Variants in HDAC9 observed in about 807,000 individuals in gnomAD.
HDAC9 encodes MEF-2 interacting transcription repressor (MITR) protein.
A neutral mutation model predicts 139.4 loss-of-function variants in HDAC9; 41 were observed. The ratio of observed to expected loss-of-function variants is 0.29; its 90% CI spans 0.23 to 0.38. The LOEUF is 0.38. Among genes scored for constraint, HDAC9 ranks in the 10% least tolerant of loss-of-function variants. HDAC9 has a pLI of 1.00. For missense variants in HDAC9, 1,147 were observed against 1,297.0 expected (o/e 0.88, Z 1.78); for synonymous variants, 517 against 476.2 (o/e 1.09, Z -1.12).
At chr7:18,160,373 C>T (rs1011115830) in intron 1 of HDAC9, among the ~76,000 whole-genome samples, 5 of 152,160 alleles carry the variant, frequency 3.3e-5, no homozygotes, top group African/African-American at 1.2e-4. Flanking sequence ...AATCTTGAAG[C>T]TCACACTTGT....
chr7:18,622,860 G>C (rs1840604824), intron 6 of HDAC9, among the ~76,000 whole-genome samples: 1 of 151,738 alleles, frequency 6.6e-6, no homozygotes, highest in Non-Finnish European at 1.5e-5. Flanking sequence ...AGAGTGAACA[G>C]AGGCCGGGTA....
intron 1 of HDAC9, among the ~76,000 whole-genome samples, chr7:18,140,291 A>T (rs1295450374): frequency 6.6e-6 from 1 of 152,146 alleles, no homozygotes; most frequent in Non-Finnish European, 1.5e-5. Context: ...TATGGCCTCC[A>T]TCCCATGGGA....
upstream of HDAC9, among the ~76,000 whole-genome samples, chr7:18,495,394 C>T (rs1796721754): frequency 6.6e-6 from 1 of 152,100 alleles, no homozygotes; most frequent in African/African-American, 2.4e-5. Flanking sequence ...CATTTGCCCT[C>T]TTAGAATTAT....
chr7:18,557,379 G>A (rs532650877), intron 2 of HDAC9, among the ~76,000 whole-genome samples: 2 of 148,330 alleles, frequency 1.3e-5, no homozygotes, highest in South Asian at 2.1e-4. Flanking sequence ...AATCCTCCTG[G>A]TATACTTTAA....
chr7:18,367,146 G>C (rs985307427), intron 1 of HDAC9, among the ~76,000 whole-genome samples: 58 of 152,026 alleles, frequency 3.8e-4, no homozygotes, highest in African/African-American at 1.4e-3. Context: ...GCACAGATAA[G>C]TAAATAGAAG....
intron 6 of HDAC9, among the ~76,000 whole-genome samples, chr7:18,620,010 A>C (rs1839784433): frequency 6.6e-6 from 1 of 152,126 alleles, no homozygotes; most frequent in African/African-American, 2.4e-5. Context: ...CATTCTTGAG[A>C]CCATGAGCAC....
chr7:18,712,765 A>T (rs1369986686), intron 12 of HDAC9, among the ~76,000 whole-genome samples: 1 of 152,242 alleles, frequency 6.6e-6, no homozygotes, highest in Non-Finnish European at 1.5e-5. Context: ...ATAATTTTGA[A>T]TAGCAATGTT....
chr7:18,202,656 G>C (rs1252716551), intron 2 of HDAC9, among the ~76,000 whole-genome samples: 1 of 152,166 alleles, frequency 6.6e-6, no homozygotes, highest in Non-Finnish European at 1.5e-5. Context: ...TAGCATACTT[G>C]GAGTTGAAAT....
At chr7:18,184,988 C>A (rs1005525327) in intron 2 of HDAC9, among the ~76,000 whole-genome samples, 1 of 152,138 alleles carries the variant, frequency 6.6e-6, no homozygotes, top group Admixed American at 6.6e-5. Flanking sequence ...AAAATGTGGT[C>A]TGCCTATGTA....
chr7:18,707,070 G>T (rs1783983936), intron 12 of HDAC9, among the ~76,000 whole-genome samples: 1 of 152,060 alleles, frequency 6.6e-6, no homozygotes, highest in Non-Finnish European at 1.5e-5. Context: ...AGCTAGGGGT[G>T]GAGCCCCAGA....
At chr7:18,676,847 C>A (rs1469266542) in intron 12 of HDAC9, among the ~76,000 whole-genome samples, 1 of 151,688 alleles carries the variant, frequency 6.6e-6, no homozygotes, top group African/African-American at 2.4e-5. Flanking sequence ...TTAAAAGGGA[C>A]TCTCTTAGGG....
In HDAC9 at chr7:18,430,720, A is replaced by G. The variant is rs533736382; in HGVS notation, c.-41-65542A>G. On this transcript the variant is annotated intron_variant, in intron 1 of 3. Coordinates refer to the HDAC9 transcript ENST00000413509. ...AACATGGCTAAACCCTGTCTTTACTAAAATACAAAAAAAAAAAATAGTCAG... is the reference window on the plus strand; with the variant it reads ...AACATGGCTAAACCCTGTCTTTACTGAAATACAAAAAAAAAAAATAGTCAG... 6.2e-4 allele frequency: 7 copies of G among 11,350 alleles called. No individual in the cohort carries two copies. The East Asian group carries it at 0.045, about 73-fold the overall frequency. The allele number at this position is 11,350 out of a possible 1,614,324, so 0.7% of individuals were successfully genotyped here.
intron 2 of HDAC9, among the ~76,000 whole-genome samples, chr7:18,565,067 G>T (rs1474043526): frequency 6.6e-6 from 1 of 151,670 alleles, no homozygotes; most frequent in Non-Finnish European, 1.5e-5. Flanking sequence ...GCACAATTTG[G>T]CTCACCGCAA....
rs141321599 is a variant in HDAC9 at position 18,776,953 on chromosome 7, G to A, written c.2214+9798G>A. 2.6e-5 allele frequency among the ~76,000 whole-genome samples: 4 copies of A among 152,088 alleles called. No individual in the cohort carries two copies. The East Asian group carries it at 5.8e-4, about 22-fold the overall frequency. On this transcript the variant is annotated intron_variant, in intron 16 of 25. Transcript: ENST00000686413. Reference sequence around the variant, plus strand: ...GGTTGTTCTATTCAGAACACACAGAGCTTCTGGTCTTCCTTCTGACAACTG... The same window carrying A: ...GGTTGTTCTATTCAGAACACACAGAACTTCTGGTCTTCCTTCTGACAACTG...
intron 2 of HDAC9, among the ~76,000 whole-genome samples, chr7:18,245,694 C>G (rs1203246785): frequency 6.6e-6 from 1 of 152,088 alleles, no homozygotes; most frequent in South Asian, 2.1e-4. Flanking sequence ...TTCATTGAAG[C>G]TAAATTTGAG....
At chr7:18,862,997 A>G (rs931452187) in intron 21 of HDAC9, among the ~76,000 whole-genome samples, 48 of 152,292 alleles carry the variant, frequency 3.2e-4, no homozygotes, top group African/African-American at 1.1e-3. Flanking sequence ...TTAAATGAGC[A>G]TTTGCATATT....
intron 2 of HDAC9, among the ~76,000 whole-genome samples, chr7:18,175,105 G>C (rs773616330): frequency 6.6e-6 from 1 of 152,182 alleles, no homozygotes; most frequent in African/African-American, 2.4e-5. Context: ...GCTGTGGTGG[G>C]CTCCACCTAA....
In HDAC9 at chr7:18,999,146, C is replaced by T. The variant is rs1339831321; in HGVS notation, c.*3084C>T. The T allele has an allele frequency of 1.3e-5, 2 of 152,174 alleles. No homozygotes were observed. The highest frequency in any genetic ancestry group is 4.8e-5 in the African/African-American group (2 of 41,442). The allele number at this position is 152,174 out of a possible 1,614,324, so 9.4% of individuals were successfully genotyped here. ...AGAGATATTTATGAAAAAACTACTACAAATCACATTTCCATTACCAATCCT... is the reference window on the plus strand; with the variant it reads ...AGAGATATTTATGAAAAAACTACTATAAATCACATTTCCATTACCAATCCT... On this transcript the variant is annotated 3_prime_UTR_variant, in exon 26 of 26. Transcript: ENST00000686413.
intron 1 of HDAC9, among the ~76,000 whole-genome samples, chr7:18,403,639 G>A (rs1787745700): frequency 6.6e-6 from 1 of 152,156 alleles, no homozygotes; most frequent in African/African-American, 2.4e-5. Flanking sequence ...ATACGTAAAT[G>A]AACCCTAGGT....
Sources: allele counts gnomAD v4.1 joint callset (sites outside exome capture counted in the v4.1 genomes callset), GRCh38; gene constraint gnomAD v4.1.1; transcripts MANE v1.5; gene names NCBI Gene and HGNC (gene_info 2026-07-23, HGNC 2026-07-21).